The following CNTN3 variants were observed in gnomAD, a reference collection of about 807,000 sequenced individuals.
The protein encoded by CNTN3 is contactin 3.
Under a neutral mutation model 119.1 loss-of-function variants are expected in CNTN3, and 60 were observed. That is an observed-to-expected ratio of 0.50 (90% CI 0.41 to 0.62). The LOEUF (loss-of-function observed/expected upper bound fraction) is 0.62. Ranked by LOEUF, CNTN3 falls within the 20% of genes least tolerant of loss-of-function variation. CNTN3 has a pLI of 0.00. For missense variants in CNTN3, 1,101 were observed against 1,242.4 expected (o/e 0.89, Z 1.71); for synonymous variants, 450 against 438.7 (o/e 1.03, Z -0.32).
At chr3:74,278,836 G>T (rs1426176274) in intron 20 of CNTN3, among the ~76,000 whole-genome samples, 3 of 151,960 alleles carry the variant, frequency 2.0e-5, no homozygotes, top group Admixed American at 2.0e-4. Flanking sequence ...AAGAGTAGGA[G>T]AAAATCTTCA....
At chr3:74,449,997 T>C (rs1055017780) in intron 4 of CNTN3, among the ~76,000 whole-genome samples, 4 of 152,158 alleles carry the variant, frequency 2.6e-5, no homozygotes, top group African/African-American at 9.7e-5. Context: ...TGTAGTTACA[T>C]AATCATTTAA....
intron 2 of CNTN3, among the ~76,000 whole-genome samples, chr3:74,517,003 A>G (rs1371700794): frequency 6.6e-6 from 1 of 151,852 alleles, no homozygotes; most frequent in Non-Finnish European, 1.5e-5. Context: ...TCCTGCTTCT[A>G]AATTTCTTCC....
chr3:74,526,509 T>G (rs1703621420), intron 1 of CNTN3, among the ~76,000 whole-genome samples: 1 of 151,886 alleles, frequency 6.6e-6, no homozygotes, highest in South Asian at 2.1e-4. Context: ...CTTCCAGAGA[T>G]GTAGTTCATC....
chr3:74,515,583 G>A (rs555127139), intron 2 of CNTN3, among the ~76,000 whole-genome samples: 50 of 152,090 alleles, frequency 3.3e-4, no homozygotes, highest in South Asian at 1.0e-3. Context: ...TATTCATTCC[G>A]AAAGAGCAGT....
intron 3 of CNTN3, among the ~76,000 whole-genome samples, chr3:74,488,498 GAAGT>G (rs1300732152): frequency 3.3e-5 from 5 of 152,092 alleles, no homozygotes; most frequent in Admixed American, 2.6e-4. Flanking sequence ...CTTAAATTAA[GAAGT>G]AATTATATGG....
intron 11 of CNTN3, among the ~76,000 whole-genome samples, chr3:74,357,324 C>G (rs750317522): frequency 1.3e-5 from 2 of 151,942 alleles, no homozygotes; most frequent in Non-Finnish European, 2.9e-5. Context: ...CCTCTTGTTG[C>G]CCAGGCTGGA....
chr3:74,556,922 G>C (rs114496123), intron 1 of CNTN3, among the ~76,000 whole-genome samples: 2 of 152,028 alleles, frequency 1.3e-5, no homozygotes, highest in Admixed American at 6.6e-5. Context: ...GTGCTTATTG[G>C]CCATTTGTAT....
chr3:74,461,509 G>C (rs1031264933), intron 4 of CNTN3, among the ~76,000 whole-genome samples: 8 of 151,946 alleles, frequency 5.3e-5, no homozygotes, highest in African/African-American at 1.9e-4. Flanking sequence ...AATAGTTGGT[G>C]CTACATACTT....
At chr3:74,610,682 G>T (rs1705066298) in intron 1 of CNTN3, among the ~76,000 whole-genome samples, 1 of 152,096 alleles carries the variant, frequency 6.6e-6, no homozygotes, top group South Asian at 2.1e-4. Flanking sequence ...TGGCTGCTAT[G>T]CAGGATGATT....
At chr3:74,441,031 T>C (rs545948034) in intron 4 of CNTN3, among the ~76,000 whole-genome samples, 37 of 152,224 alleles carry the variant, frequency 2.4e-4, no homozygotes, top group Non-Finnish European at 5.0e-4. Context: ...AACTTTAACA[T>C]TGGGTGAGAC....
chr3:74,333,038 T>C (rs1301891809), intron 13 of CNTN3, among the ~76,000 whole-genome samples: 3 of 152,126 alleles, frequency 2.0e-5, no homozygotes, highest in African/African-American at 4.8e-5. Flanking sequence ...AATTTAAAAA[T>C]AAATAGACAT....
chr3:74,278,210 A>G (rs530892174), intron 20 of CNTN3, among the ~76,000 whole-genome samples: 1 of 152,188 alleles, frequency 6.6e-6, no homozygotes, highest in Non-Finnish European at 1.5e-5. Context: ...CTACAAATTC[A>G]ATGCAAATCC....
intron 20 of CNTN3, among the ~76,000 whole-genome samples, chr3:74,270,295 C>T (rs1701746540): frequency 6.6e-6 from 1 of 152,130 alleles, no homozygotes; most frequent in Non-Finnish European, 1.5e-5. Flanking sequence ...AATAGGCCAC[C>T]CCCAAGTGGC....
intron 22 of CNTN3, among the ~76,000 whole-genome samples, chr3:74,265,752 T>C (rs149531480): frequency 6.6e-6 from 1 of 152,218 alleles, no homozygotes; most frequent in East Asian, 1.9e-4. Flanking sequence ...GCTAAATGAA[T>C]GGAAACAGGG....
At chr3:74,555,922 G>A (rs1378877271) in intron 1 of CNTN3, among the ~76,000 whole-genome samples, 2 of 151,996 alleles carry the variant, frequency 1.3e-5, no homozygotes, top group Non-Finnish European at 2.9e-5. Context: ...CCAGTCTCAG[G>A]GAAGTTCTTT....
intron 4 of CNTN3, among the ~76,000 whole-genome samples, chr3:74,438,996 T>C (rs2106924383): frequency 6.6e-6 from 1 of 152,280 alleles, no homozygotes. Context: ...TCCAGAGTAA[T>C]AGCATAGTTC....
At chr3:74,518,883 A>T (rs2107118067) in intron 2 of CNTN3, among the ~76,000 whole-genome samples, 1 of 152,008 alleles carries the variant, frequency 6.6e-6, no homozygotes, top group East Asian at 1.9e-4. Flanking sequence ...AAATATGTGA[A>T]TTTTGTGGGC....
intron 1 of CNTN3, among the ~76,000 whole-genome samples, chr3:74,611,617 G>A (rs1242278315): frequency 2.6e-5 from 4 of 152,116 alleles, no homozygotes; most frequent in Admixed American, 6.5e-5. Flanking sequence ...AAACTGTTCC[G>A]TGGCCCCATA....
intron 7 of CNTN3, 137 bp from the exon 8 acceptor site, chr3:74,369,510 C>T (rs1169378656): frequency 3.6e-6 from 2 of 561,802 alleles, no homozygotes; most frequent in African/African-American, 2.0e-5. Flanking sequence ...ATTATATAAA[C>T]CTGATAAAAA....
Sources: allele counts gnomAD v4.1 joint callset (sites outside exome capture counted in the v4.1 genomes callset), GRCh38; gene constraint gnomAD v4.1.1; transcripts MANE v1.5; gene names NCBI Gene and HGNC (gene_info 2026-07-23, HGNC 2026-07-21).